OR56A3: variants seen among roughly 807,000 people sequenced by gnomAD.
OR56A3 encodes the protein olfactory receptor family 56 subfamily A member 3.
In OR56A3, 23 loss-of-function variants were observed where a neutral mutation model predicts 17.5. The ratio of observed to expected loss-of-function variants is 1.32; its 90% confidence interval spans 0.95 to 1.87. The LOEUF (loss-of-function observed/expected upper bound fraction) is 1.87, where lower values mean the gene tolerates loss of function less well. Among genes scored for constraint, OR56A3 ranks in the 40% most tolerant of loss-of-function variants. The probability of loss-of-function intolerance (pLI) is 0.00; values close to 1 mark genes in which losing one functional copy is unlikely to be tolerated. For missense variants in OR56A3, 366 were observed against 380.1 expected (o/e 0.96, Z 0.31); for synonymous variants, 175 against 150.6 (o/e 1.16, Z -1.19).
At chr11:5,986,845 G>A in the OR56A3 span, 1 of 1,614,024 alleles carries the variant, frequency 6.2e-7, no homozygotes, top group Non-Finnish European at 8.5e-7. Flanking sequence ...CAGGAGAAAA[G>A]AAGGCTGGGA....
chr11:5,998,065 C>T, the OR56A3 span, among the ~76,000 whole-genome samples: 11 of 152,284 alleles, frequency 7.2e-5, no homozygotes, highest in Non-Finnish European at 1.0e-4. Flanking sequence ...TGCTGAGACA[C>T]AATCCTCTGT....
the OR56A3 span, among the ~76,000 whole-genome samples, chr11:5,961,190 G>A: frequency 7.3e-5 from 11 of 151,064 alleles, no homozygotes; most frequent in South Asian, 2.1e-4. Flanking sequence ...CCCTCTGCCC[G>A]GCCACCCCGT....
intron 2 of OR56A3, 40 bp from the exon 3 acceptor site, chr11:5,947,271 A>T (rs923380794): frequency 7.5e-7 from 1 of 1,331,352 alleles, no homozygotes; most frequent in African/African-American, 1.5e-5. Context: ...ATCTTTGTGT[A>T]TCAAGAATCC....
chr11:6,008,702 C>T, the OR56A3 span, among the ~76,000 whole-genome samples: 7 of 151,946 alleles, frequency 4.6e-5, no homozygotes, highest in African/African-American at 1.7e-4. Context: ...TTTCATTTAA[C>T]AAACATTAAT....
At chr11:5,967,923 G>A in the OR56A3 span, 1 of 1,595,046 alleles carries the variant, frequency 6.3e-7, no homozygotes, top group Non-Finnish European at 8.6e-7. Flanking sequence ...GTCATCACAA[G>A]AGAGTTTAGA....
At chr11:6,012,771 C>T in the OR56A3 span, among the ~76,000 whole-genome samples, 1 of 152,220 alleles carries the variant, frequency 6.6e-6, no homozygotes, top group Non-Finnish European at 1.5e-5. Flanking sequence ...CCAAGGGGCA[C>T]CTTTAGGCCA....
Position 5,948,389 on chromosome 11 carries a change from C to A in OR56A3, c.*95C>A. 2 of 803,862 alleles carry A rather than the reference C, an allele frequency of 2.5e-6. No homozygotes were observed. Among genetic ancestry groups the A allele is most frequent in the Non-Finnish European group, 2.0e-6 (1 of 499,822 alleles). The allele number at this position is 803,862 out of a possible 1,614,324, so 49.8% of individuals were successfully genotyped here. Reference sequence around the variant, plus strand: ...GAAATTCATATCTGTGACTTATAACCTCAAACTGGGTACACTAGATATTGT... The same window carrying A: ...GAAATTCATATCTGTGACTTATAACATCAAACTGGGTACACTAGATATTGT... On this transcript the variant is annotated 3_prime_UTR_variant, in exon 3 of 3. Coordinates refer to ENST00000641160, the MANE Select transcript of OR56A3 (RefSeq NM_001003443.3).
the OR56A3 span, among the ~76,000 whole-genome samples, chr11:5,977,159 G>A: frequency 6.6e-6 from 1 of 152,148 alleles, no homozygotes; most frequent in Non-Finnish European, 1.5e-5. Flanking sequence ...ATTGTGAATA[G>A]TGCTCCAATG....
chr11:5,968,640 T>C, the OR56A3 span: 4 of 630,496 alleles, frequency 6.3e-6, no homozygotes, highest in African/African-American at 1.8e-5. Context: ...CAATCCCAAA[T>C]GAAGGCAAAG....
chr11:5,971,621 C>A, the OR56A3 span, among the ~76,000 whole-genome samples: 1 of 152,140 alleles, frequency 6.6e-6, no homozygotes, highest in African/African-American at 2.4e-5. Flanking sequence ...GGTTAGATAC[C>A]TGAACATACT....
the OR56A3 span, among the ~76,000 whole-genome samples, chr11:5,960,822 C>G: frequency 2.6e-5 from 4 of 151,914 alleles, no homozygotes; most frequent in Non-Finnish European, 2.9e-5. Context: ...AGGAGCGTCT[C>G]TGCCCGGCCG....
chr11:5,994,473 C>A, the OR56A3 span: 1 of 752,482 alleles, frequency 1.3e-6, no homozygotes, highest in South Asian at 1.3e-5. Context: ...ATGGTCAACC[C>A]AGAGCTGGCA....
chr11:5,989,840 T>C, the OR56A3 span, among the ~76,000 whole-genome samples: 1 of 152,198 alleles, frequency 6.6e-6, no homozygotes, highest in African/African-American at 2.4e-5. Context: ...CTATGATTCT[T>C]AGAGGAAAAG....
At chr11:5,961,245 G>A in the OR56A3 span, among the ~76,000 whole-genome samples, 2 of 152,378 alleles carry the variant, frequency 1.3e-5, no homozygotes, top group South Asian at 4.1e-4. Context: ...ACCCCATCTG[G>A]GAGGTGTACC....
chr11:5,993,173 A>G, the OR56A3 span, among the ~76,000 whole-genome samples: 1 of 152,146 alleles, frequency 6.6e-6, no homozygotes, highest in Non-Finnish European at 1.5e-5. Flanking sequence ...AAAATTTGCG[A>G]TTTTAGTACT....
chr11:5,945,428 C>G (rs1318086650), intron 2 of OR56A3, among the ~76,000 whole-genome samples: 1 of 151,596 alleles, frequency 6.6e-6, no homozygotes, highest in Non-Finnish European at 1.5e-5. Context: ...CAAAAACAAA[C>G]AAAATTAACT....
the OR56A3 span, among the ~76,000 whole-genome samples, chr11:5,965,561 G>A: frequency 6.6e-6 from 1 of 151,704 alleles, no homozygotes; most frequent in African/African-American, 2.4e-5. Context: ...CCCTAAGAAG[G>A]GAAAATAAGA....
the OR56A3 span, among the ~76,000 whole-genome samples, chr11:6,013,584 C>T: frequency 6.6e-6 from 1 of 152,154 alleles, no homozygotes; most frequent in East Asian, 1.9e-4. Context: ...TGCTTGGGCC[C>T]ACTCAGCTGT....
the OR56A3 span, chr11:6,002,337 A>T: frequency 6.2e-7 from 1 of 1,614,142 alleles, no homozygotes; most frequent in Non-Finnish European, 8.5e-7. Context: ...AGAATAGGAG[A>T]TAACAATAAG....
Sources: allele counts gnomAD v4.1 joint callset (sites outside exome capture counted in the v4.1 genomes callset), GRCh38; gene constraint gnomAD v4.1.1; transcripts MANE v1.5; gene names NCBI Gene and HGNC (gene_info 2026-07-23, HGNC 2026-07-21).